DTD1: variants seen among roughly 807,000 people sequenced by gnomAD.
DTD1 encodes the protein D-aminoacyl-tRNA deacylase 1.
DTD1 carries 13 observed loss-of-function variants against 25.6 expected under a neutral mutation model. The observed-to-expected ratio is 0.51, with a 90% CI of 0.33 to 0.81. The LOEUF (loss-of-function observed/expected upper bound fraction) is 0.81, where lower values mean the gene tolerates loss of function less well. DTD1 is among the 30% of genes least tolerant of loss of function. The pLI is 0.02. For synonymous variants in DTD1, 110 were observed against 103.6 expected (o/e 1.06, Z -0.37); for missense variants, 193 against 266.4 (o/e 0.72, Z 1.92).
intron 4 of DTD1, chr20:18,630,939 C>A: frequency 2.7e-6 from 1 of 372,514 alleles, no homozygotes; most frequent in Non-Finnish European, 3.7e-6. Flanking sequence ...ATAGTGCATC[C>A]TACCAGGAGG....
chr20:18,699,964 A>G (rs1479630188), intron 4 of DTD1, among the ~76,000 whole-genome samples: 1 of 152,376 alleles, frequency 6.6e-6, no homozygotes. Flanking sequence ...GTAACATAGC[A>G]TTAACTAATA....
intron 5 of DTD1, among the ~76,000 whole-genome samples, chr20:18,753,869 C>T (rs1384968908): frequency 7.2e-5 from 11 of 151,990 alleles, no homozygotes; most frequent in African/African-American, 1.5e-4. Context: ...GAAGAGATTC[C>T]GATTCTGGGG....
At chr20:18,588,599 G>T (rs972451050) in intron 1 of DTD1, 1 of 337,602 alleles carries the variant, frequency 3.0e-6, no homozygotes, top group Non-Finnish European at 4.2e-6. Flanking sequence ...ATGCACAGAT[G>T]CGGAGAGTTG....
intron 4 of DTD1, among the ~76,000 whole-genome samples, chr20:18,637,182 C>T (rs1464212148): frequency 6.6e-6 from 1 of 152,214 alleles, no homozygotes; most frequent in Non-Finnish European, 1.5e-5. Flanking sequence ...ACCTATGTTA[C>T]TGCAGCTGCC....
chr20:18,667,152 G>C (rs1022523065), intron 4 of DTD1, among the ~76,000 whole-genome samples: 6 of 152,168 alleles, frequency 3.9e-5, no homozygotes, highest in African/African-American at 1.4e-4. Context: ...TGTGTAGTTT[G>C]CTTTTAAAAG....
At chr20:18,617,050 T>A (rs1362725876) in intron 3 of DTD1, among the ~76,000 whole-genome samples, 2 of 152,208 alleles carry the variant, frequency 1.3e-5, no homozygotes, top group Non-Finnish European at 2.9e-5. Flanking sequence ...TCTCATTTCC[T>A]GAATTTCCTC....
chr20:18,621,839 C>T (rs561075623), intron 3 of DTD1, among the ~76,000 whole-genome samples: 29 of 152,148 alleles, frequency 1.9e-4, no homozygotes, highest in Non-Finnish European at 3.2e-4. Flanking sequence ...CCAAGGCAGG[C>T]GGATCACAAG....
At chr20:18,602,189 A>G (rs1439595150) in intron 3 of DTD1, among the ~76,000 whole-genome samples, 1 of 121,398 alleles carries the variant, frequency 8.2e-6, no homozygotes, top group Non-Finnish European at 1.8e-5. Flanking sequence ...GGAAGATGAA[A>G]TGAATGAAAT....
chr20:18,636,511 A>C (rs554201658), intron 4 of DTD1, among the ~76,000 whole-genome samples: 1 of 151,468 alleles, frequency 6.6e-6, no homozygotes, highest in South Asian at 2.1e-4. Flanking sequence ...GGCATAGATA[A>C]AACCCTTATC....
intron 4 of DTD1, among the ~76,000 whole-genome samples, chr20:18,664,757 T>A (rs2060925054): frequency 6.6e-6 from 1 of 152,158 alleles, no homozygotes; most frequent in Admixed American, 6.5e-5. Flanking sequence ...CTGGCAGAAG[T>A]GTGGGGTGTG....
At chr20:18,747,465 CAGAG>C (rs2061304829) in intron 5 of DTD1, among the ~76,000 whole-genome samples, 2 of 152,156 alleles carry the variant, frequency 1.3e-5, no homozygotes, top group South Asian at 4.1e-4. Flanking sequence ...GGAAGCATGA[CAGAG>C]AGAGCATCCC....
intron 5 of DTD1, among the ~76,000 whole-genome samples, chr20:18,744,635 T>C (rs1345913323): frequency 1.6e-4 from 1 of 6,206 alleles, no homozygotes. Context: ...AGACTCCATC[T>C]CAAAAAAAAA....
At chr20:18,693,655 C>A (rs140447746) in intron 4 of DTD1, among the ~76,000 whole-genome samples, 3 of 87,950 alleles carry the variant, frequency 3.4e-5, no homozygotes, top group Non-Finnish European at 7.3e-5. Context: ...AGACTCCCAT[C>A]TAAAAAAAAA....
chr20:18,631,859 T>C (rs2060788883), intron 4 of DTD1: 2 of 985,232 alleles, frequency 2.0e-6, no homozygotes, highest in South Asian at 4.7e-5. Context: ...AATGGTAGAA[T>C]AGTACATTTT....
At chr20:18,719,898 C>G (rs2061195721) in intron 4 of DTD1, among the ~76,000 whole-genome samples, 2 of 152,174 alleles carry the variant, frequency 1.3e-5, no homozygotes, top group South Asian at 4.1e-4. Flanking sequence ...GTTCTTGAGT[C>G]TGATATTGTT....
intron 4 of DTD1, among the ~76,000 whole-genome samples, chr20:18,732,012 G>A (rs762218708): frequency 2.5e-4 from 38 of 152,140 alleles, no homozygotes; most frequent in Non-Finnish European, 4.4e-4. Flanking sequence ...CTGAATGCAC[G>A]TCCTGCCCAA....
At chr20:18,592,424 C>T (rs2060593111) in intron 1 of DTD1, 1 of 152,136 alleles carries the variant, frequency 6.6e-6, no homozygotes, top group Non-Finnish European at 1.5e-5. Flanking sequence ...CTATAGTACA[C>T]TATGCTGACC....
intron 4 of DTD1, among the ~76,000 whole-genome samples, chr20:18,639,907 T>C (rs1186355129): frequency 6.6e-6 from 1 of 152,192 alleles, no homozygotes; most frequent in Non-Finnish European, 1.5e-5. Context: ...AGGAATTGCA[T>C]GGCTGTTTGA....
At chr20:18,674,084 C>T (rs963149439) in intron 4 of DTD1, among the ~76,000 whole-genome samples, 4 of 151,930 alleles carry the variant, frequency 2.6e-5, no homozygotes, top group Admixed American at 2.0e-4. Context: ...ATATATCCTA[C>T]TTTGGTGATT....
Sources: allele counts gnomAD v4.1 joint callset (sites outside exome capture counted in the v4.1 genomes callset), GRCh38; gene constraint gnomAD v4.1.1; transcripts MANE v1.5; gene names NCBI Gene and HGNC (gene_info 2026-07-23, HGNC 2026-07-21).